The following FNBP1 variants were observed in gnomAD, a reference collection of about 807,000 sequenced individuals.
FNBP1 encodes formin binding protein 1, also known as formin-binding protein 1.
FNBP1 carries 26 observed loss-of-function variants against 90.6 expected under a neutral mutation model. The observed-to-expected ratio is 0.29, with a 90% CI of 0.21 to 0.40. FNBP1 has a LOEUF of 0.40. Ranked by LOEUF, FNBP1 falls within the 10% of genes least tolerant of loss-of-function variation. The pLI, the probability that FNBP1 is intolerant of heterozygous loss-of-function variation, is 1.00. For missense variants in FNBP1, 635 were observed against 768.0 expected, an observed-to-expected ratio of 0.83 and a Z score of 2.05; for synonymous variants, 260 against 265.2, an observed-to-expected ratio of 0.98 and a Z score of 0.19.
intron 1 of FNBP1, among the ~76,000 whole-genome samples, chr9:130,013,324 C>A (rs1470700739): frequency 6.6e-6 from 1 of 151,752 alleles, no homozygotes; most frequent in Non-Finnish European, 1.5e-5. Context: ...GGAAAAGGGG[C>A]AAAAATAAAT....
rs143338278 is a variant in FNBP1, at chr9:129,960,003, T to A, written c.346-1450A>T. 2.6e-5 allele frequency among the ~76,000 whole-genome samples: 4 copies of A among 152,288 alleles called. No homozygotes were observed. In the South Asian group the frequency reaches 8.3e-4, roughly 32 times the overall value. ...CATTGTCACATGTATCAGTACTCCATTCTTTTTTATTGCCAAATGATTATT... is the reference window on the plus strand; with the variant it reads ...CATTGTCACATGTATCAGTACTCCAATCTTTTTTATTGCCAAATGATTATT... On this transcript the variant is annotated intron_variant, in intron 4 of 16. Coordinates refer to ENST00000446176, the MANE Select transcript of FNBP1 (RefSeq NM_015033.3).
At chr9:129,959,451 T>C (rs1482525161) in intron 4 of FNBP1, among the ~76,000 whole-genome samples, 1 of 151,908 alleles carries the variant, frequency 6.6e-6, no homozygotes, top group African/African-American at 2.4e-5. Context: ...CAGCCAGGCG[T>C]GGTGGTGCGT....
chr9:129,965,895 C>T (rs913504594), intron 4 of FNBP1, among the ~76,000 whole-genome samples: 3 of 151,962 alleles, frequency 2.0e-5, no homozygotes, highest in African/African-American at 7.3e-5. Context: ...CATGGAATGG[C>T]TCATTTTCTT....
chr9:129,982,067 T>C (rs943368601), intron 2 of FNBP1, among the ~76,000 whole-genome samples: 2 of 152,182 alleles, frequency 1.3e-5, no homozygotes, highest in African/African-American at 2.4e-5. Context: ...GAATGTCCCT[T>C]GTAGAAAAAA....
chr9:129,893,612 C>CAAAAAAAAAAAAAAAA lies in FNBP1; in HGVS notation c.1846+2210_1846+2225dup, dbSNP rs1216398298. Among the ~76,000 whole-genome samples, 111 of 22,314 alleles carry CAAAAAAAAAAAAAAAA rather than the reference C, an allele frequency of 5.0e-3. 49 individuals carry two copies. The highest frequency in any genetic ancestry group is 7.4e-3 in the Non-Finnish European group (92 of 12,398). 14.6% of individuals were successfully genotyped at this position (22,314 alleles called of 152,430 possible). On this transcript the variant is annotated intron_variant, in intron 16 of 16. Transcript: ENST00000446176. ...TAGGTGACAGAGTGAGACTCTGTCTCAAAAAAAAAAAAAAAAAAAAAAAAA... is the reference window on the plus strand; with the variant it reads ...TAGGTGACAGAGTGAGACTCTGTCTCAAAAAAAAAAAAAAAAAAAAAAAAAAAAAAAAAAAAAAAAA...
At position 129,888,377 on chromosome 9, in the gene FNBP1, T is replaced by C. The variant is rs776357646; in HGVS notation, c.*2162A>G. On this transcript the variant is annotated 3_prime_UTR_variant, in exon 17 of 17. Transcript: ENST00000446176. ...TTCCTGAAGATCCCTGTCGTCCCCG[T>C]TGGCGGGGGAGCCCATTGTGGAGCT... 1.3e-5 allele frequency: 3 copies of C among 232,454 alleles called. No homozygotes were observed. The highest frequency in any genetic ancestry group is 1.8e-4 in the South Asian group (1 of 5,512). The allele number at this position is 232,454 out of a possible 1,614,324, so 14.4% of individuals were successfully genotyped here. A position where few individuals can be genotyped will look rare whatever the true frequency, so the allele number is the denominator to read the frequency against.
At chr9:130,017,118 C>T (rs1171097068) in intron 1 of FNBP1, among the ~76,000 whole-genome samples, 1 of 152,046 alleles carries the variant, frequency 6.6e-6, no homozygotes, top group Non-Finnish European at 1.5e-5. Context: ...CATGCAATAA[C>T]GTGAGAATTT....
intron 6 of FNBP1, among the ~76,000 whole-genome samples, chr9:129,931,955 G>A (rs890165056): frequency 1.3e-5 from 2 of 152,162 alleles, no homozygotes; most frequent in African/African-American, 4.8e-5. Flanking sequence ...CCTCACGCCT[G>A]TAATCCCAGC....
intron 1 of FNBP1, among the ~76,000 whole-genome samples, chr9:130,006,279 C>T (rs553579132): frequency 3.2e-3 from 489 of 152,088 alleles, no homozygotes; most frequent in African/African-American, 0.011. Flanking sequence ...CCCGTCTCTA[C>T]TAAAAATACA....
chr9:130,001,900 C>T (rs957631609), intron 1 of FNBP1, among the ~76,000 whole-genome samples: 14 of 151,860 alleles, frequency 9.2e-5, no homozygotes, highest in African/African-American at 2.4e-4. Context: ...TGATGGTGGG[C>T]GCCTGTAATC....
At chr9:130,014,247 CT>C (rs1175352724) in intron 1 of FNBP1, among the ~76,000 whole-genome samples, 1,922 of 138,894 alleles carry the variant, frequency 0.014, 10 homozygotes, top group African/African-American at 0.031. Context: ...TTCTTTCTTT[CT>C]TTTTTTTTTT....
Position 129,957,483 on chromosome 9 carries a change from A to T in FNBP1, c.409-19T>A. ...TTTTACTCTAAAATCAGAGGAAAAT[A>T]ATTATGAAACCATAAGAGTCCTACG... is the stretch of plus-strand genomic sequence containing the variant. On this transcript the variant is annotated intron_variant, in intron 5 of 16. Coordinates refer to ENST00000446176, the MANE Select transcript of FNBP1 (RefSeq NM_015033.3). The surrounding 1 kb of genome is among the most constrained non-coding windows in gnomAD (Gnocchi z 4.3). The T allele has an allele frequency of 6.4e-7, 1 of 1,556,922 alleles. No individual in the cohort carries two copies. The highest frequency in any genetic ancestry group is 8.9e-7 in the Non-Finnish European group (1 of 1,128,942).
At chr9:129,993,315 C>T (rs967450436) in intron 2 of FNBP1, among the ~76,000 whole-genome samples, 1 of 151,722 alleles carries the variant, frequency 6.6e-6, no homozygotes, top group Non-Finnish European at 1.5e-5. Flanking sequence ...ACAATATCCA[C>T]AAACCAATTC....
Position 129,958,654 on chromosome 9 carries a change from C to T in FNBP1, c.346-101G>A, listed in dbSNP as rs549152871. Reference sequence around the variant, plus strand: ...ACTTAAACAACATCTAAATATTGAACCTCTAGTATGTATGCTCCAAAGAAA... The same window carrying T: ...ACTTAAACAACATCTAAATATTGAATCTCTAGTATGTATGCTCCAAAGAAA... On this transcript the variant is annotated intron_variant, in intron 4 of 16. Coordinates refer to ENST00000446176, the MANE Select transcript of FNBP1 (RefSeq NM_015033.3). 1.2e-5 allele frequency: 11 copies of T among 927,010 alleles called. No homozygotes were observed. In the South Asian group the frequency reaches 1.6e-4, roughly 14 times the overall value. 57.4% of individuals were successfully genotyped at this position (927,010 alleles called of 1,614,324 possible). A position where few individuals can be genotyped will look rare whatever the true frequency, so the allele number is the denominator to read the frequency against.
intron 1 of FNBP1, among the ~76,000 whole-genome samples, chr9:130,011,259 TA>T (rs1564569737): frequency 1.9e-4 from 15 of 77,226 alleles, no homozygotes; most frequent in African/African-American, 6.8e-4. Flanking sequence ...TATATATATA[TA>T]TATATATAAA....
chr9:129,978,339 G>T, intron 4 of FNBP1, 126 bp downstream of exon 4: 1 of 832,556 alleles, frequency 1.2e-6, no homozygotes, highest in Non-Finnish European at 1.8e-6. Context: ...ACTTTTATAT[G>T]ATTCTCAAAG....
chr9:129,996,995 G>A (rs1172381995), intron 1 of FNBP1, among the ~76,000 whole-genome samples: 9 of 151,826 alleles, frequency 5.9e-5, no homozygotes, highest in African/African-American at 1.4e-4. Flanking sequence ...GCCTCCGGCC[G>A]GCCTGTTTTT....
At chr9:129,904,879 C>T (rs1325684782) in intron 12 of FNBP1, among the ~76,000 whole-genome samples, 2 of 151,952 alleles carry the variant, frequency 1.3e-5, no homozygotes, top group Non-Finnish European at 2.9e-5. Context: ...ATCCTTGGCA[C>T]ATAGTAGATG....
intron 4 of FNBP1, among the ~76,000 whole-genome samples, chr9:129,965,765 A>G (rs111372068): frequency 1.6e-5 from 2 of 124,446 alleles, no homozygotes; most frequent in East Asian, 2.7e-4. Context: ...GAAGTGAAGG[A>G]AGGGAGGGAA....
Sources: gnomAD v4.1 joint callset for allele counts (sites outside exome capture counted in the v4.1 genomes callset) on GRCh38, gnomAD v4.1.1 for gene constraint, Gnocchi (gnomAD v3.1) non-coding constraint, MANE v1.5 for transcripts, NCBI Gene and HGNC (gene_info 2026-07-23, HGNC 2026-07-21) for gene names.